Variants in TACR1 observed in about 807,000 individuals in gnomAD.
The protein encoded by TACR1 is substance-P receptor.
Under a neutral mutation model 35.8 loss-of-function variants are expected in TACR1, and 25 were observed. The ratio of observed to expected loss-of-function variants is 0.70; its 90% CI spans 0.51 to 0.98. The LOEUF (loss-of-function observed/expected upper bound fraction) is 0.98. Among genes scored for constraint, TACR1 ranks in the 50% least tolerant of loss-of-function variants. The pLI is 0.00. For synonymous variants in TACR1, 195 were observed against 206.7 expected, an observed-to-expected ratio of 0.94 and a Z score of 0.48; for missense variants, 478 against 522.9, an observed-to-expected ratio of 0.91 and a Z score of 0.84.
In TACR1 at chr2:75,049,572, C is replaced by T; in HGVS notation, c.1084G>A (p.Val362Met). ...SRLETTISTV[V>M]GAHEEEPEDG... ...TCTGGCTCCTCCTCGTGGGCCCCCA[C>T]CACTGTGGAGATGGTGGTCTCCAGG... Residue 362 changes from valine to methionine, a missense_variant, in exon 5 of 5, where the codon GTG (valine) becomes ATG (methionine). Transcript: ENST00000305249. 6.2e-7 allele frequency: 1 copy of T among 1,614,178 alleles called. No individual in the cohort carries two copies. The highest frequency in any genetic ancestry group is 1.1e-5 in the South Asian group (1 of 91,086).
chr2:75,094,859 A>ATATATATATATATATATTTT, intron 2 of TACR1, among the ~76,000 whole-genome samples: 11 of 113,096 alleles, frequency 9.7e-5, no homozygotes, highest in African/African-American at 4.8e-4. Flanking sequence ...ATATATATAT[A>ATATATATATATATATATTTT]TTTTTTTTTT....
At chr2:75,130,821 T>G (rs972024627) in intron 1 of TACR1, among the ~76,000 whole-genome samples, 1 of 152,230 alleles carries the variant, frequency 6.6e-6, no homozygotes, top group Non-Finnish European at 1.5e-5. Context: ...AGACAATTAT[T>G]TAACCTATGC....
chr2:75,086,257 G>A (rs920354513), intron 2 of TACR1, among the ~76,000 whole-genome samples: 3 of 152,204 alleles, frequency 2.0e-5, no homozygotes, highest in African/African-American at 7.2e-5. Flanking sequence ...GGCTATGCAT[G>A]TCAAGTCTAG....
chr2:75,057,968 G>C (rs1278306324), intron 2 of TACR1, among the ~76,000 whole-genome samples: 1 of 152,182 alleles, frequency 6.6e-6, no homozygotes, highest in Non-Finnish European at 1.5e-5. Flanking sequence ...TAGGTTTCCA[G>C]ATTCGCAGTC....
At chr2:75,156,343 C>G (rs1009433412) in intron 1 of TACR1, 2 of 150,478 alleles carry the variant, frequency 1.3e-5, no homozygotes, top group African/African-American at 4.9e-5. Flanking sequence ...AGGCCGGGCG[C>G]GGTGGCTCAT....
At chr2:75,170,233 T>G (rs997753691) in intron 1 of TACR1, among the ~76,000 whole-genome samples, 1 of 152,198 alleles carries the variant, frequency 6.6e-6, no homozygotes, top group Non-Finnish European at 1.5e-5. Flanking sequence ...GTTCTTGTGA[T>G]AGTGAATAAG....
intron 2 of TACR1, among the ~76,000 whole-genome samples, chr2:75,076,716 C>A (rs1431541828): frequency 1.3e-5 from 2 of 152,048 alleles, no homozygotes; most frequent in African/African-American, 4.8e-5. Flanking sequence ...CTGACAATCA[C>A]TGGGGCAACG....
chr2:75,083,969 T>C (rs1673142449), intron 2 of TACR1, among the ~76,000 whole-genome samples: 1 of 152,112 alleles, frequency 6.6e-6, no homozygotes, highest in Non-Finnish European at 1.5e-5. Context: ...CTATGTTGAA[T>C]AGGAGTGGTG....
rs367925522 is a variant in TACR1, at chr2:75,147,725, G to T, written c.390-26957C>A. Among the ~76,000 whole-genome samples, 35 of 150,272 alleles carry T rather than the reference G, an allele frequency of 2.3e-4. No individual in the cohort carries two copies. In the East Asian group the frequency reaches 2.9e-3, roughly 12 times the overall value. ...GGCTTTCAGCTTCATCCAAGTCCCT[G>T]CAAAGGACATGATCTCATTCCTTTT... On this transcript the variant is annotated intron_variant, in intron 1 of 4. Coordinates refer to ENST00000305249, the MANE Select transcript of TACR1 (RefSeq NM_001058.4).
At chr2:75,185,230 A>G (rs531359799) in intron 1 of TACR1, among the ~76,000 whole-genome samples, 1 of 152,176 alleles carries the variant, frequency 6.6e-6, no homozygotes, top group African/African-American at 2.4e-5. Context: ...ATTATATTAA[A>G]TTATTGGAGT....
At chr2:75,158,818 G>C (rs559718141) in intron 1 of TACR1, among the ~76,000 whole-genome samples, 1 of 152,250 alleles carries the variant, frequency 6.6e-6, no homozygotes, top group Non-Finnish European at 1.5e-5. Context: ...AGCTGGAGTT[G>C]GGCCTCTGTT....
At chr2:75,070,948 A>G (rs1044457571) in intron 2 of TACR1, among the ~76,000 whole-genome samples, 2 of 152,034 alleles carry the variant, frequency 1.3e-5, no homozygotes, top group African/African-American at 4.8e-5. Context: ...TGGTTTTTAT[A>G]TTTTTAAATG....
chr2:75,112,104 A>G (rs1673762475), intron 2 of TACR1, among the ~76,000 whole-genome samples: 1 of 152,048 alleles, frequency 6.6e-6, no homozygotes, highest in African/African-American at 2.4e-5. Flanking sequence ...AAAAATAGTG[A>G]TGGAATAATC....
intron 1 of TACR1, among the ~76,000 whole-genome samples, chr2:75,176,126 A>T (rs570801772): frequency 6.9e-4 from 105 of 151,914 alleles, no homozygotes; most frequent in Middle Eastern, 6.9e-3. Context: ...TAGCAGATTC[A>T]TCCTCTATCC....
Position 75,117,133 on chromosome 2 carries a change from TTGTGTGTGTG to T in TACR1, c.584+3431_584+3440del, listed in dbSNP as rs3079167. Among the ~76,000 whole-genome samples the T allele has an allele frequency of 4.4e-4, 66 of 148,854 alleles. 1 individual carries two copies. Among genetic ancestry groups the T allele is most frequent in the African/African-American group, 1.5e-3 (61 of 40,762 alleles). ...TCATAATATTTATTGACTTTGTGGA[TTGTGTGTGTG>T]TGTGTGTGTGTGTGTGTGTGTGTGA... On this transcript the variant is annotated intron_variant, in intron 2 of 4. Transcript: ENST00000305249.
chr2:75,181,108 A>G (rs1423135058), intron 1 of TACR1, among the ~76,000 whole-genome samples: 1 of 152,066 alleles, frequency 6.6e-6, no homozygotes, highest in Non-Finnish European at 1.5e-5. Context: ...CCACCCTCAA[A>G]TCTCTGGAAT....
chr2:75,145,307 G>A (rs1328937000), intron 1 of TACR1, among the ~76,000 whole-genome samples: 1 of 152,098 alleles, frequency 6.6e-6, no homozygotes, highest in Admixed American at 6.5e-5. Flanking sequence ...AAAAATAGAA[G>A]TGGTCTGTCT....
At chr2:75,103,617 T>G (rs1673584780) in intron 2 of TACR1, among the ~76,000 whole-genome samples, 1 of 152,132 alleles carries the variant, frequency 6.6e-6, no homozygotes, top group African/African-American at 2.4e-5. Flanking sequence ...AGACAAATCT[T>G]CAGTGCATAA....
At chr2:75,117,860 T>C (rs1673895626) in intron 2 of TACR1, among the ~76,000 whole-genome samples, 1 of 152,236 alleles carries the variant, frequency 6.6e-6, no homozygotes, top group Non-Finnish European at 1.5e-5. Context: ...AATGGTCGTA[T>C]GAATACTCAA....
Sources: allele counts gnomAD v4.1 joint callset (sites outside exome capture counted in the v4.1 genomes callset), GRCh38; gene constraint gnomAD v4.1.1; transcripts MANE v1.5; gene names NCBI Gene and HGNC (gene_info 2026-07-23, HGNC 2026-07-21).